The following DHX30 variants were observed in gnomAD, a reference collection of about 807,000 sequenced individuals.
DHX30 encodes DExH-box helicase 30.
In DHX30, 4 loss-of-function variants were observed where a neutral mutation model predicts 116.9. The observed-to-expected ratio is 0.03, with a 90% confidence interval of 0.02 to 0.08. DHX30 has a LOEUF of 0.08. DHX30 is among the 10% of genes least tolerant of loss of function. The pLI is 1.00. For synonymous variants in DHX30, 697 were observed against 651.7 expected (o/e 1.07, Z -1.06); for missense variants, 871 against 1,595.1 (o/e 0.55, Z 7.73).
intron 8 of DHX30, chr3:47,841,948 G>T (rs757238669): frequency 4.8e-6 from 3 of 626,654 alleles, no homozygotes; most frequent in East Asian, 5.7e-5. Flanking sequence ...CTTGGGGGCC[G>T]CAAGAGCAGA....
At chr3:47,811,341 C>G (rs1010474360) in intron 3 of DHX30, among the ~76,000 whole-genome samples, 2 of 152,114 alleles carry the variant, frequency 1.3e-5, no homozygotes, top group Admixed American at 1.3e-4. Context: ...CAATCTTTCT[C>G]CAATCTTCCT....
chr3:47,849,184 C>T lies in DHX30; in HGVS notation c.2930-8C>T, dbSNP rs1410994799. On this transcript the variant is annotated splice_region_variant and splice_polypyrimidine_tract_variant and intron_variant, in intron 18 of 21. Coordinates refer to ENST00000445061, the MANE Select transcript of DHX30 (RefSeq NM_138615.3). ...GCTGTAGGTCCACCACACATTCTGT[C>T]TCCCTAGGACTCATCAAGCAGTTCT... 2 of 1,613,360 alleles carry T rather than the reference C, an allele frequency of 1.2e-6. No individual in the cohort carries two copies. Among genetic ancestry groups the T allele is most frequent in the Admixed American group, 1.7e-5 (1 of 59,882 alleles).
chr3:47,810,770 G>A, intron 3 of DHX30, 59 bp downstream of exon 3: 2 of 1,552,014 alleles, frequency 1.3e-6, no homozygotes, highest in Non-Finnish European at 1.8e-6. Flanking sequence ...GGGCAGCTCT[G>A]AGGGCTGTGA....
At chr3:47,826,886 C>T (rs1428806333) in intron 4 of DHX30, among the ~76,000 whole-genome samples, 1 of 152,178 alleles carries the variant, frequency 6.6e-6, no homozygotes, top group Non-Finnish European at 1.5e-5. Flanking sequence ...TACATGGGGC[C>T]AGGTCTCTCG....
chr3:47,840,558 C>T (rs1475451708), intron 6 of DHX30, among the ~76,000 whole-genome samples: 2 of 151,958 alleles, frequency 1.3e-5, no homozygotes, highest in Non-Finnish European at 2.9e-5. Flanking sequence ...GTCACCTGAG[C>T]CCAGGAGGCA....
intron 6 of DHX30, among the ~76,000 whole-genome samples, chr3:47,835,530 C>G (rs577542977): frequency 6.6e-6 from 1 of 151,486 alleles, no homozygotes; most frequent in Non-Finnish European, 1.5e-5. Flanking sequence ...GTCTCGAACT[C>G]CTGACCTCAG....
chr3:47,845,918 A>T, intron 10 of DHX30, 66 bp downstream of exon 10: 1 of 1,540,228 alleles, frequency 6.5e-7, no homozygotes, highest in Non-Finnish European at 8.8e-7. Flanking sequence ...TCCAGACTGA[A>T]GGCCTCCACC....
At chr3:47,812,378 TGAGACCC>T (rs965112343) in intron 3 of DHX30, among the ~76,000 whole-genome samples, 3 of 151,000 alleles carry the variant, frequency 2.0e-5, no homozygotes, top group African/African-American at 7.3e-5. Context: ...GCCAACATGA[TGAGACCC>T]GTCTCTACTA....
At chr3:47,817,617 T>A (rs984579450) in intron 3 of DHX30, among the ~76,000 whole-genome samples, 2 of 152,154 alleles carry the variant, frequency 1.3e-5, no homozygotes, top group African/African-American at 2.4e-5. Context: ...GGGGAACGCA[T>A]AGCAAAGGCG....
At chr3:47,814,223 G>A (rs1473032425) in intron 3 of DHX30, among the ~76,000 whole-genome samples, 1 of 149,552 alleles carries the variant, frequency 6.7e-6, no homozygotes, top group Non-Finnish European at 1.5e-5. Flanking sequence ...TCAGGAGTTC[G>A]AGACCAGCCT....
At chr3:47,819,270 T>G (rs1204860873) in intron 4 of DHX30, 1 of 1,367,602 alleles carries the variant, frequency 7.3e-7, no homozygotes, top group Non-Finnish European at 9.8e-7. Flanking sequence ...GGCAGGTGAG[T>G]GGCTCTGAGA....
At chr3:47,824,316 T>C (rs2036438734) in intron 4 of DHX30, among the ~76,000 whole-genome samples, 1 of 152,154 alleles carries the variant, frequency 6.6e-6, no homozygotes, top group South Asian at 2.1e-4. Flanking sequence ...AACAGCACTT[T>C]CACTGCTGGA....
Position 47,846,797 on chromosome 3 carries a change from C to G in DHX30, c.1725C>G (p.Leu575=), listed in dbSNP as rs768569440. 6.8e-6 allele frequency: 11 copies of G among 1,613,548 alleles called. No individual in the cohort carries two copies. Among genetic ancestry groups the G allele is most frequent in the Non-Finnish European group, 9.3e-6 (11 of 1,179,906 alleles). ...ACACAGACTTTCTGCTGATCCTGCT[C>G]AAGGGCCTGCAGCGGCTCAACCCGG... ...DVNTDFLLIL[L]KGLQRLNPAL... is the part of the protein sequence containing the mutation. The change falls in exon 11 of 22, where the codon CTC becomes CTG. Residue 575 remains leucine, a synonymous_variant. Transcript: ENST00000445061.
intron 4 of DHX30, chr3:47,822,063 G>A (rs1418847233): frequency 6.6e-6 from 1 of 152,244 alleles, no homozygotes; most frequent in African/African-American, 2.4e-5. Flanking sequence ...GTAAATGAGT[G>A]TGGCTCTGTT....
intron 4 of DHX30, among the ~76,000 whole-genome samples, chr3:47,822,466 CAA>C (rs1264183652): frequency 4.3e-5 from 4 of 92,720 alleles, no homozygotes; most frequent in African/African-American, 1.2e-4. Flanking sequence ...TGGTGGCAGA[CAA>C]GAGAGAAAGA....
chr3:47,831,536 G>A (rs949823160), intron 6 of DHX30, among the ~76,000 whole-genome samples: 4 of 151,946 alleles, frequency 2.6e-5, no homozygotes, highest in African/African-American at 9.7e-5. Flanking sequence ...TCCTCTTCTG[G>A]TTCTTTTCTA....
intron 4 of DHX30, 92 bp from the exon 5 acceptor site, chr3:47,827,255 C>T (rs2107024118): frequency 5.9e-6 from 8 of 1,359,944 alleles, no homozygotes; most frequent in Non-Finnish European, 7.9e-6. Context: ...CCAACATCCT[C>T]AGAATCCAGC....
chr3:47,819,349 T>C (rs891597194), intron 4 of DHX30: 4 of 1,260,700 alleles, frequency 3.2e-6, no homozygotes, highest in Non-Finnish European at 4.3e-6. Context: ...GGCTAGGCAG[T>C]GCCTTCTTGA....
intron 6 of DHX30, among the ~76,000 whole-genome samples, chr3:47,838,194 T>A (rs373967978): frequency 6.6e-4 from 100 of 152,286 alleles, no homozygotes; most frequent in African/African-American, 2.3e-3. Flanking sequence ...TTCGCGAATG[T>A]GTGTGTGGCA....
Sources: gnomAD v4.1 joint callset for allele counts (sites outside exome capture counted in the v4.1 genomes callset) on GRCh38, gnomAD v4.1.1 for gene constraint, MANE v1.5 for transcripts, NCBI Gene and HGNC (gene_info 2026-07-23, HGNC 2026-07-21) for gene names.